The following PARD3B variants were observed in gnomAD, a reference collection of about 807,000 sequenced individuals.
PARD3B encodes par-3 family cell polarity regulator beta, also known as partitioning defective 3 homolog B.
PARD3B carries 103 observed loss-of-function variants against 130.2 expected under a neutral mutation model. The ratio of observed to expected loss-of-function variants is 0.79; its 90% CI spans 0.67 to 0.93. The LOEUF (loss-of-function observed/expected upper bound fraction) is 0.93, where lower values mean the gene tolerates loss of function less well. Ranked by LOEUF, PARD3B falls within the 40% of genes least tolerant of loss-of-function variation. The pLI is 0.00. For missense variants in PARD3B, 1,609 were observed against 1,499.2 expected (o/e 1.07, Z -1.21); for synonymous variants, 583 against 553.2 (o/e 1.05, Z -0.76).
chr2:205,103,337 T>TTATTTATGTAAAATAAATATATTTC (rs1559439799), intron 4 of PARD3B, among the ~76,000 whole-genome samples: 3 of 143,264 alleles, frequency 2.1e-5, no homozygotes, highest in East Asian at 2.0e-4. Context: ...AAACATATTT[T>TTATTTATGTAAAATAAATATATTTC]TATTTATGTA....
intron 2 of PARD3B, among the ~76,000 whole-genome samples, chr2:204,796,467 C>T (rs1346303182): frequency 1.3e-5 from 2 of 152,314 alleles, no homozygotes; most frequent in African/African-American, 2.4e-5. Context: ...GGCCAAGAGG[C>T]AAAGAAGTTG....
intron 1 of PARD3B, chr2:204,558,186 TTCCAGATAAATATG>T (rs2031058695): frequency 6.6e-6 from 1 of 152,174 alleles, no homozygotes; most frequent in Non-Finnish European, 1.5e-5. Flanking sequence ...GCCAAGTATC[TTCCAGATAAATATG>T]TCCTGCATTG....
chr2:205,002,554 C>T (rs1451805258), intron 3 of PARD3B, among the ~76,000 whole-genome samples: 2 of 152,152 alleles, frequency 1.3e-5, no homozygotes, highest in Non-Finnish European at 2.9e-5. Flanking sequence ...TCCTGGTAGG[C>T]TCAACCACTT....
At position 205,341,108 on chromosome 2, in the gene PARD3B, T is replaced by C. The variant is rs2043510643; in HGVS notation, c.2630+39407T>C. Among the ~76,000 whole-genome samples the C allele has an allele frequency of 6.6e-6, 1 of 151,884 alleles. No individual in the cohort carries two copies. The highest frequency in any genetic ancestry group is 2.1e-4 in the South Asian group (1 of 4,822). On this transcript the variant is annotated intron_variant, in intron 18 of 22. Transcript: ENST00000406610. The surrounding 1 kb of genome is among the most constrained non-coding windows in gnomAD (Gnocchi z 4.3). ...AAATAAAAAATAAAAAAATAAAAAATGCTAAAGAAAAGGGAACTCTTAGAC... is the reference window on the plus strand; with the variant it reads ...AAATAAAAAATAAAAAAATAAAAAACGCTAAAGAAAAGGGAACTCTTAGAC...
chr2:204,793,363 A>ATGTTT (rs1019273352), intron 2 of PARD3B, among the ~76,000 whole-genome samples: 86 of 151,922 alleles, frequency 5.7e-4, no homozygotes, highest in African/African-American at 1.4e-3. Flanking sequence ...TTAGTTATAC[A>ATGTTT]TGTTTTGTTT....
chr2:204,775,881 T>C (rs1433006376), intron 2 of PARD3B, among the ~76,000 whole-genome samples: 2 of 152,180 alleles, frequency 1.3e-5, no homozygotes, highest in Non-Finnish European at 2.9e-5. Flanking sequence ...TAAAAATCTT[T>C]CTGGCTTGCA....
At chr2:205,497,074 G>A (rs2049954751) in intron 20 of PARD3B, among the ~76,000 whole-genome samples, 1 of 151,700 alleles carries the variant, frequency 6.6e-6, no homozygotes, top group Non-Finnish European at 1.5e-5. Flanking sequence ...GCCTGCCCAT[G>A]GTTCAGAAAA....
intron 18 of PARD3B, among the ~76,000 whole-genome samples, chr2:205,338,178 A>AAAAAAC (rs35707832): frequency 8.1e-6 from 1 of 123,488 alleles, no homozygotes; most frequent in Non-Finnish European, 1.8e-5. Flanking sequence ...AAAAAAAAAA[A>AAAAAAC]GGCTTCATGA....
chr2:204,801,128 A>G (rs1345435890), intron 2 of PARD3B, among the ~76,000 whole-genome samples: 1 of 152,144 alleles, frequency 6.6e-6, no homozygotes, highest in African/African-American at 2.4e-5. Flanking sequence ...GCCTTGTATT[A>G]TAGTTTAAGT....
intron 15 of PARD3B, among the ~76,000 whole-genome samples, chr2:205,212,521 C>G (rs1264914880): frequency 2.6e-5 from 4 of 152,070 alleles, no homozygotes; most frequent in Non-Finnish European, 4.4e-5. Context: ...GGATTGCCAA[C>G]AAGCTGGGAC....
At chr2:205,022,372 G>C (rs1696683316) in intron 3 of PARD3B, among the ~76,000 whole-genome samples, 1 of 152,162 alleles carries the variant, frequency 6.6e-6, no homozygotes, top group Non-Finnish European at 1.5e-5. Context: ...CTTTAGAAAT[G>C]TATTTTAAAT....
intron 4 of PARD3B, among the ~76,000 whole-genome samples, chr2:205,064,353 T>TG (rs989941775): frequency 6.6e-6 from 1 of 152,160 alleles, no homozygotes; most frequent in African/African-American, 2.4e-5. Flanking sequence ...GATTTCATCA[T>TG]GTTTACCTGT....
chr2:205,204,152 G>T (rs1017717148), intron 15 of PARD3B, among the ~76,000 whole-genome samples: 1 of 152,100 alleles, frequency 6.6e-6, no homozygotes, highest in Non-Finnish European at 1.5e-5. Flanking sequence ...ATTCTAACTG[G>T]CATGAGATGG....
chr2:204,574,309 A>C (rs2032147827), intron 1 of PARD3B, among the ~76,000 whole-genome samples: 1 of 152,202 alleles, frequency 6.6e-6, no homozygotes, highest in South Asian at 2.1e-4. Context: ...TTTCTTTTTT[A>C]AATGAATCCC....
intron 11 of PARD3B, among the ~76,000 whole-genome samples, chr2:205,167,411 C>A (rs754634634): frequency 4.7e-4 from 71 of 151,772 alleles, no homozygotes; most frequent in Non-Finnish European, 8.4e-4. Context: ...TTATTAGATT[C>A]TCAAAGGAGT....
chr2:204,756,416 A>G (rs1455624307), intron 2 of PARD3B, among the ~76,000 whole-genome samples: 3 of 151,786 alleles, frequency 2.0e-5, no homozygotes, highest in Admixed American at 6.6e-5. Context: ...GGTTGTTACC[A>G]AGAGTTATAT....
At chr2:205,068,098 G>A (rs1274364620) in intron 4 of PARD3B, among the ~76,000 whole-genome samples, 1 of 152,050 alleles carries the variant, frequency 6.6e-6, no homozygotes, top group Admixed American at 6.6e-5. Flanking sequence ...TTTGTGTTTA[G>A]CATTGGAATT....
At chr2:205,164,731 GGTAATGATGCTTTGGCTCTGAAAATA>G (rs1360274974) in intron 11 of PARD3B, among the ~76,000 whole-genome samples, 2 of 151,636 alleles carry the variant, frequency 1.3e-5, no homozygotes, top group African/African-American at 4.9e-5. Context: ...GATATAGCAT[GGTAATGATGCTTTGGCTCTGAAAATA>G]GTAACTTTCC....
chr2:205,123,323 A>G (rs549202285), intron 8 of PARD3B, among the ~76,000 whole-genome samples: 22 of 152,334 alleles, frequency 1.4e-4, no homozygotes, highest in Non-Finnish European at 3.1e-4. Flanking sequence ...TAAGTAGATG[A>G]GGATATTTGA....
Sources: gnomAD v4.1 joint callset for allele counts (sites outside exome capture counted in the v4.1 genomes callset) on GRCh38, gnomAD v4.1.1 for gene constraint, Gnocchi (gnomAD v3.1) non-coding constraint, MANE v1.5 for transcripts, NCBI Gene and HGNC (gene_info 2026-07-23, HGNC 2026-07-21) for gene names.